ITPRID1: variants seen among roughly 807,000 people sequenced by gnomAD.
ITPRID1 encodes the protein ITPR interacting domain containing 1, also known as protein ITPRID1.
A neutral mutation model predicts 95.4 loss-of-function variants in ITPRID1; 96 were observed. The ratio of observed to expected loss-of-function variants is 1.01; its 90% CI spans 0.85 to 1.19. The LOEUF (loss-of-function observed/expected upper bound fraction) is 1.19, where lower values mean the gene tolerates loss of function less well. Ranked by LOEUF, ITPRID1 falls within the 50% of genes most tolerant of loss-of-function variation. ITPRID1 has a pLI of 0.00. For missense variants in ITPRID1, 1,339 were observed against 1,252.9 expected (o/e 1.07, Z -1.04); for synonymous variants, 510 against 453.6 (o/e 1.12, Z -1.58).
intron 5 of ITPRID1, among the ~76,000 whole-genome samples, chr7:31,562,296 A>G (rs920748304): frequency 6.6e-5 from 10 of 152,308 alleles, no homozygotes; most frequent in African/African-American, 2.2e-4. Context: ...ACATCCAAGC[A>G]TAACTGTGAG....
chr7:31,533,208 C>CT (rs552454870), intron 1 of ITPRID1, among the ~76,000 whole-genome samples: 165 of 152,076 alleles, frequency 1.1e-3, no homozygotes, highest in African/African-American at 3.8e-3. Context: ...CTTAAAAAAT[C>CT]TTTTTTTCCC....
At chr7:31,611,099 G>A (rs973184584) in intron 10 of ITPRID1, among the ~76,000 whole-genome samples, 1 of 149,912 alleles carries the variant, frequency 6.7e-6, no homozygotes, top group African/African-American at 2.4e-5. Context: ...AAAATATCTT[G>A]TTATTACTTT....
chr7:31,551,948 C>T (rs1178864221), intron 2 of ITPRID1: 2 of 410,350 alleles, frequency 4.9e-6, no homozygotes, highest in Non-Finnish European at 9.8e-6. Context: ...GGCTTGAAAC[C>T]TCACTTTGCT....
intron 10 of ITPRID1, among the ~76,000 whole-genome samples, chr7:31,590,540 T>A (rs144096922): frequency 1.3e-5 from 2 of 152,296 alleles, no homozygotes; most frequent in Non-Finnish European, 2.9e-5. Flanking sequence ...TGCAGTTTTC[T>A]AAGGAATTTG....
At chr7:31,562,442 G>A (rs1784656572) in intron 5 of ITPRID1, among the ~76,000 whole-genome samples, 2 of 152,148 alleles carry the variant, frequency 1.3e-5, no homozygotes, top group Admixed American at 6.5e-5. Flanking sequence ...CCCCAGAGAG[G>A]TCTCAGAAGA....
At chr7:31,596,236 T>G (rs1469562021) in intron 10 of ITPRID1, among the ~76,000 whole-genome samples, 1 of 151,488 alleles carries the variant, frequency 6.6e-6, no homozygotes, top group Non-Finnish European at 1.5e-5. Flanking sequence ...CAGAAATTAC[T>G]TCTGAGAAAA....
chr7:31,653,861 T>C lies in ITPRID1; in HGVS notation c.*1032T>C, dbSNP rs898785019. On this transcript the variant is annotated 3_prime_UTR_variant, in exon 15 of 15. Coordinates refer to ENST00000615280, the MANE Select transcript of ITPRID1 (RefSeq NM_001257967.3). The stretch of plus-strand genomic sequence containing the variant: ...ATTTAGATCAATGTTCAGACAGCCC[T>C]GGTTGAGGAAGTAACAACAGAAGAG... Among the ~76,000 whole-genome samples, 1 of 152,150 alleles carries C rather than the reference T, an allele frequency of 6.6e-6. No homozygotes were observed. Among genetic ancestry groups the C allele is most frequent in the Non-Finnish European group, 1.5e-5 (1 of 68,028 alleles).
Position 31,655,879 on chromosome 7 carries a change from A to T in ITPRID1, c.*3050A>T. 2.0e-6 allele frequency: 2 copies of T among 985,466 alleles called. No individual in the cohort carries two copies. Among genetic ancestry groups the T allele is most frequent in the African/African-American group, 3.5e-5 (2 of 57,324 alleles). 61.0% of individuals were successfully genotyped at this position (985,466 alleles called of 1,614,324 possible). ...TGTAACGCCTACGGAATGAAGAGGA[A>T]CACCTGGCTCTAGGATGTCCCTCAC... is the stretch of plus-strand genomic sequence containing the variant. On this transcript the variant is annotated 3_prime_UTR_variant, in exon 15 of 15. Transcript: ENST00000615280.
At chr7:31,611,019 G>A (rs1285791004) in intron 10 of ITPRID1, among the ~76,000 whole-genome samples, 1 of 150,984 alleles carries the variant, frequency 6.6e-6, no homozygotes, top group Non-Finnish European at 1.5e-5. Flanking sequence ...TATGTCTTAT[G>A]TCTTTTTATT....
intron 10 of ITPRID1, among the ~76,000 whole-genome samples, chr7:31,637,569 CT>C (rs1351073354): frequency 2.0e-5 from 3 of 152,150 alleles, no homozygotes; most frequent in African/African-American, 7.2e-5. Flanking sequence ...CCTTTACCCA[CT>C]TTTTGATGGG....
intron 13 of ITPRID1, among the ~76,000 whole-genome samples, chr7:31,651,573 T>G (rs1360370436): frequency 6.6e-6 from 1 of 152,060 alleles, no homozygotes; most frequent in East Asian, 1.9e-4. Flanking sequence ...TATGAGAGTT[T>G]TGAAAATCTG....
intron 10 of ITPRID1, among the ~76,000 whole-genome samples, chr7:31,639,264 T>C (rs1286493834): frequency 6.6e-6 from 1 of 152,198 alleles, no homozygotes; most frequent in Non-Finnish European, 1.5e-5. Flanking sequence ...TGATGCATTT[T>C]CGTTTTAAAA....
intron 10 of ITPRID1, among the ~76,000 whole-genome samples, chr7:31,587,722 C>T (rs540463593): frequency 6.6e-6 from 1 of 150,948 alleles, no homozygotes; most frequent in Admixed American, 6.6e-5. Context: ...AGGCATCACA[C>T]TACCTGACTT....
intron 1 of ITPRID1, among the ~76,000 whole-genome samples, chr7:31,540,533 C>G (rs1341100005): frequency 1.3e-5 from 2 of 152,180 alleles, no homozygotes; most frequent in African/African-American, 4.8e-5. Flanking sequence ...TTTCTCTCTC[C>G]AGTTTCCCAT....
chr7:31,641,347 G>A (rs966960154), intron 10 of ITPRID1, among the ~76,000 whole-genome samples: 3 of 152,082 alleles, frequency 2.0e-5, no homozygotes, highest in Admixed American at 1.3e-4. Flanking sequence ...TAATCTCCCA[G>A]GACAGACAAG....
intron 12 of ITPRID1, among the ~76,000 whole-genome samples, chr7:31,649,658 C>T (rs1790781134): frequency 6.6e-6 from 1 of 152,096 alleles, no homozygotes; most frequent in Non-Finnish European, 1.5e-5. Context: ...GCTTTAGGGC[C>T]TAACAAGCAT....
intron 12 of ITPRID1, among the ~76,000 whole-genome samples, chr7:31,649,958 GT>G (rs1195252202): frequency 1.3e-5 from 2 of 152,186 alleles, no homozygotes; most frequent in African/African-American, 4.8e-5. Flanking sequence ...ATAAGGGAGG[GT>G]GAAGAGTAGG....
Position 31,618,527 on chromosome 7 carries a change from G to A in ITPRID1, c.1229-23649G>A, listed in dbSNP as rs564645210. On this transcript the variant is annotated intron_variant, in intron 10 of 14. Transcript: ENST00000615280. Reference sequence around the variant, plus strand: ...ATCCCAAGAAAAAATGCCTCCAGGGGCCCCTTCTTCTCAGAAAAGGTAGAG... The same window carrying A: ...ATCCCAAGAAAAAATGCCTCCAGGGACCCCTTCTTCTCAGAAAAGGTAGAG... Among the ~76,000 whole-genome samples the A allele has an allele frequency of 4.6e-5, 7 of 152,268 alleles. No homozygotes were observed. In the South Asian group the frequency reaches 1.0e-3, roughly 23 times the overall value.
chr7:31,610,172 G>A (rs765292185), intron 10 of ITPRID1, among the ~76,000 whole-genome samples: 6 of 151,470 alleles, frequency 4.0e-5, no homozygotes, highest in Admixed American at 3.9e-4. Context: ...AATTATTGAG[G>A]CTTATTTTGT....
Sources: allele counts gnomAD v4.1 joint callset (sites outside exome capture counted in the v4.1 genomes callset), GRCh38; gene constraint gnomAD v4.1.1; transcripts MANE v1.5; gene names NCBI Gene and HGNC (gene_info 2026-07-23, HGNC 2026-07-21).